The following TMEM260 variants were observed in gnomAD, a reference collection of about 807,000 sequenced individuals.
The protein encoded by TMEM260 is protein O-mannosyl-transferase TMEM260.
TMEM260 carries 82 observed loss-of-function variants against 88.9 expected under a neutral mutation model. The observed-to-expected ratio is 0.92, with a 90% CI of 0.77 to 1.11. The LOEUF (loss-of-function observed/expected upper bound fraction) is 1.11, where lower values mean the gene tolerates loss of function less well. Among genes scored for constraint, TMEM260 ranks in the 50% least tolerant of loss-of-function variants. The pLI is 0.00. For missense variants in TMEM260, 902 were observed against 853.4 expected (o/e 1.06, Z -0.71); for synonymous variants, 314 against 309.3 (o/e 1.02, Z -0.16).
At chr14:56,596,709 G>A (rs1040482246) in intron 3 of TMEM260, among the ~76,000 whole-genome samples, 5 of 146,068 alleles carry the variant, frequency 3.4e-5, no homozygotes, top group African/African-American at 1.3e-4. Context: ...GTTGTGGTGA[G>A]CCGAGATCGT....
intron 14 of TMEM260, among the ~76,000 whole-genome samples, chr14:56,636,209 C>T (rs1284792442): frequency 2.7e-5 from 4 of 150,192 alleles, no homozygotes; most frequent in Non-Finnish European, 5.9e-5. Context: ...TTTCCCTTTT[C>T]CTGGCTTCTC....
intron 15 of TMEM260, among the ~76,000 whole-genome samples, chr14:56,639,812 A>ACAAAC (rs1432070456): frequency 1.7e-4 from 26 of 152,212 alleles, no homozygotes; most frequent in African/African-American, 5.5e-4. Flanking sequence ...AATGGGCTTA[A>ACAAAC]CAAACGGCAC....
chr14:56,600,698 G>T (rs1336977686), intron 3 of TMEM260, among the ~76,000 whole-genome samples: 1 of 152,112 alleles, frequency 6.6e-6, no homozygotes, highest in Non-Finnish European at 1.5e-5. Flanking sequence ...CTAGGATGTG[G>T]AAAAATCAGA....
At chr14:56,618,802 C>T (rs752977869) in intron 10 of TMEM260, 39 bp downstream of exon 10, 3 of 1,558,180 alleles carry the variant, frequency 1.9e-6, no homozygotes, top group Admixed American at 3.4e-5. Flanking sequence ...AGCTGTCAAG[C>T]CAGAGATACC....
intron 9 of TMEM260, 113 bp downstream of exon 9, chr14:56,617,410 A>T (rs1403142251): frequency 1.6e-6 from 1 of 639,330 alleles, no homozygotes; most frequent in Admixed American, 3.4e-5. Context: ...TTAAAATTTT[A>T]TATACATTTT....
intron 15 of TMEM260, among the ~76,000 whole-genome samples, chr14:56,638,948 C>A (rs150124672): frequency 6.6e-6 from 1 of 152,006 alleles, no homozygotes; most frequent in African/African-American, 2.4e-5. Context: ...ATGGGCTTCT[C>A]AAGATATGGT....
downstream of TMEM260, among the ~76,000 whole-genome samples, chr14:56,653,333 A>G (rs1324015873): frequency 1.3e-5 from 2 of 152,134 alleles, no homozygotes; most frequent in African/African-American, 4.8e-5. Flanking sequence ...TATATGTCAT[A>G]TATGTGTGTA....
chr14:56,615,433 A>G (rs1055660396), intron 7 of TMEM260: 1 of 152,222 alleles, frequency 6.6e-6, no homozygotes, highest in Non-Finnish European at 1.5e-5. Flanking sequence ...CAAAACAAAT[A>G]ATATAGAAAA....
chr14:56,662,784 G>GA, the TMEM260 span, among the ~76,000 whole-genome samples: 1 of 152,224 alleles, frequency 6.6e-6, no homozygotes, highest in Admixed American at 6.5e-5. Flanking sequence ...GGGCATTTGG[G>GA]AAGCACAGTT....
At position 56,647,630 on chromosome 14, in the gene TMEM260, C is replaced by A; in HGVS notation, c.*133C>A. The A allele has an allele frequency of 9.8e-7, 1 of 1,017,470 alleles. No homozygotes were observed. The highest frequency in any genetic ancestry group is 1.4e-6 in the Non-Finnish European group (1 of 720,528). 63.0% of individuals were successfully genotyped at this position (1,017,470 alleles called of 1,614,324 possible). A position where few individuals can be genotyped will look rare whatever the true frequency, so the allele number is the denominator to read the frequency against. ...ATCTCCCAGATATAAGTATCATGGT[C>A]CAGCAGTACTGTTTAATGGGGTATT... On this transcript the variant is annotated 3_prime_UTR_variant, in exon 16 of 16. Coordinates refer to ENST00000261556, the MANE Select transcript of TMEM260 (RefSeq NM_017799.4).
At chr14:56,612,033 A>G (rs983497371) in intron 6 of TMEM260, among the ~76,000 whole-genome samples, 2 of 152,198 alleles carry the variant, frequency 1.3e-5, no homozygotes, top group African/African-American at 2.4e-5. Context: ...ATTGGGTACT[A>G]TGCTTATTAC....
intron 4 of TMEM260, 26 bp from the exon 5 acceptor site, chr14:56,605,544 A>AT: frequency 7.6e-7 from 1 of 1,317,398 alleles, no homozygotes; most frequent in Non-Finnish European, 1.0e-6. Flanking sequence ...TTTTTTACTT[A>AT]ATTTTTTTTT....
At chr14:56,583,690 G>A (rs539710308) in intron 1 of TMEM260, among the ~76,000 whole-genome samples, 110 of 152,110 alleles carry the variant, frequency 7.2e-4, no homozygotes, top group Non-Finnish European at 1.2e-3. Flanking sequence ...AGGTGTCTAA[G>A]GAAAGGTTAC....
intron 5 of TMEM260, among the ~76,000 whole-genome samples, chr14:56,606,426 T>C (rs761412350): frequency 6.6e-6 from 1 of 152,150 alleles, no homozygotes; most frequent in Non-Finnish European, 1.5e-5. Context: ...ATCAGAATTA[T>C]AATAGAAAAC....
At chr14:56,652,062 G>C (rs779484765), downstream of TMEM260, among the ~76,000 whole-genome samples, 3 of 152,146 alleles carry the variant, frequency 2.0e-5, no homozygotes, top group African/African-American at 4.8e-5. Flanking sequence ...ACCAGTGATG[G>C]TTGTTCACAT....
chr14:56,640,580 A>G (rs1372712214), intron 15 of TMEM260, among the ~76,000 whole-genome samples: 1 of 152,204 alleles, frequency 6.6e-6, no homozygotes. Flanking sequence ...TCTAAAAATC[A>G]GAGCACCTCT....
chr14:56,603,924 T>C lies in TMEM260; in HGVS notation c.454T>C (p.Phe152Leu). The stretch of plus-strand genomic sequence containing the variant: ...AGAGGTTTTTAGCTTAAACAATCTC[T>C]TTGTGGGGCTGCTTATGGCTCTTAC... ...AAEVFSLNNL[F>L]VGLLMALTVH... Residue 152 changes from phenylalanine (F) to leucine (L), a missense_variant, in exon 4 of 16, where the codon TTT becomes CTT. Coordinates refer to ENST00000261556, the MANE Select transcript of TMEM260 (RefSeq NM_017799.4). The C allele has an allele frequency of 6.2e-7, 1 of 1,613,264 alleles. No individual in the cohort carries two copies. Among genetic ancestry groups the C allele is most frequent in the Non-Finnish European group, 8.5e-7 (1 of 1,179,700 alleles).
chr14:56,585,545 G>C (rs1421893120), intron 2 of TMEM260: 2 of 511,248 alleles, frequency 3.9e-6, no homozygotes, highest in Non-Finnish European at 6.8e-6. Flanking sequence ...TTCTCTGGGT[G>C]ACGCACCATG....
At chr14:56,591,917 T>C (rs918486251) in intron 3 of TMEM260, among the ~76,000 whole-genome samples, 16 of 152,216 alleles carry the variant, frequency 1.1e-4, no homozygotes, top group African/African-American at 3.9e-4. Flanking sequence ...AACTCTTAAT[T>C]CTAATGGAAA....
Sources: gnomAD v4.1 joint callset for allele counts (sites outside exome capture counted in the v4.1 genomes callset) on GRCh38, gnomAD v4.1.1 for gene constraint, MANE v1.5 for transcripts, NCBI Gene and HGNC (gene_info 2026-07-23, HGNC 2026-07-21) for gene names.